Variants in CLASP1 observed in about 807,000 individuals in gnomAD.
CLASP1 encodes the protein CLIP-associating protein 1.
Under a neutral mutation model 192.3 loss-of-function variants are expected in CLASP1, and 38 were observed. The ratio of observed to expected loss-of-function variants is 0.20; its 90% CI spans 0.15 to 0.26. CLASP1 has a LOEUF of 0.26. CLASP1 is among the 10% of genes least tolerant of loss of function. The pLI, the probability that CLASP1 is intolerant of heterozygous loss-of-function variation, is 1.00. For synonymous variants in CLASP1, 691 were observed against 712.8 expected, an observed-to-expected ratio of 0.97 and a Z score of 0.49; for missense variants, 1,433 against 1,932.5, an observed-to-expected ratio of 0.74 and a Z score of 4.85.
intron 7 of CLASP1, among the ~76,000 whole-genome samples, chr2:121,509,793 G>A (rs1275034968): frequency 6.6e-6 from 1 of 152,116 alleles, no homozygotes; most frequent in Non-Finnish European, 1.5e-5. Context: ...AGCCAAGACT[G>A]TACTACTGCA....
chr2:121,384,174 A>ATG, intron 32 of CLASP1, among the ~76,000 whole-genome samples: 1 of 150,366 alleles, frequency 6.7e-6, no homozygotes, highest in African/African-American at 2.5e-5. Flanking sequence ...ATATATACAC[A>ATG]CACACACACA....
At chr2:121,451,815 C>G (rs768155654) in exon 15 of CLASP1, 2 of 1,575,186 alleles carry the variant, frequency 1.3e-6, no homozygotes, top group Admixed American at 1.8e-5. Context: ...GTCTGCCATT[C>G]TTGTAAAAGC....
intron 8 of CLASP1, among the ~76,000 whole-genome samples, chr2:121,495,210 C>G (rs535471141): frequency 6.6e-5 from 10 of 152,104 alleles, no homozygotes; most frequent in South Asian, 6.2e-4. Flanking sequence ...GTACTCTCAG[C>G]TACTCAGGAG....
At chr2:121,517,856 A>C (rs1207955512) in intron 6 of CLASP1, among the ~76,000 whole-genome samples, 1 of 86,710 alleles carries the variant, frequency 1.2e-5, no homozygotes, top group East Asian at 3.2e-4. Context: ...GCAAGACTCA[A>C]GCTTTTTTTT....
At chr2:121,422,107 T>C (rs757655481) in intron 22 of CLASP1, among the ~76,000 whole-genome samples, 14 of 152,202 alleles carry the variant, frequency 9.2e-5, no homozygotes, top group Non-Finnish European at 1.5e-4. Context: ...GATACCCATT[T>C]GATTGGTTTA....
At chr2:121,630,123 T>C (rs1055041121) in intron 1 of CLASP1, among the ~76,000 whole-genome samples, 2 of 152,000 alleles carry the variant, frequency 1.3e-5, no homozygotes, top group East Asian at 3.9e-4. Flanking sequence ...TTTCACCATG[T>C]TGGCCAGGCT....
intron 30 of CLASP1, among the ~76,000 whole-genome samples, chr2:121,393,319 G>A (rs970749499): frequency 6.6e-6 from 1 of 152,008 alleles, no homozygotes; most frequent in Non-Finnish European, 1.5e-5. Flanking sequence ...ATCACAAAAC[G>A]CTTTTAAATC....
chr2:121,355,687 A>G (rs1342874746), intron 37 of CLASP1, among the ~76,000 whole-genome samples: 1 of 152,222 alleles, frequency 6.6e-6, no homozygotes, highest in Non-Finnish European at 1.5e-5. Context: ...ATGTAACATA[A>G]GAAGCAAAGA....
chr2:121,643,040 T>C (rs1343923398), intron 1 of CLASP1, among the ~76,000 whole-genome samples: 1 of 152,220 alleles, frequency 6.6e-6, no homozygotes, highest in Non-Finnish European at 1.5e-5. Context: ...GGAGAGTTAA[T>C]TGGACAGTAG....
At chr2:121,589,002 G>A (rs1392535363) in intron 2 of CLASP1, among the ~76,000 whole-genome samples, 2 of 152,156 alleles carry the variant, frequency 1.3e-5, no homozygotes, top group African/African-American at 2.4e-5. Context: ...GAGAAACTCA[G>A]TCTTCTGATA....
rs573902072 is a variant in CLASP1, at chr2:121,533,609, G to T, written c.196-3284C>A. The stretch of plus-strand genomic sequence containing the variant: ...ACTGGAATACACAATTCTGTTTTAT[G>T]GAATGAGGTGTTACCTGATTCTAAA... On this transcript the variant is annotated intron_variant, in intron 2 of 39. Coordinates refer to ENST00000263710, the Ensembl canonical transcript of CLASP1. Among the ~76,000 whole-genome samples the T allele has an allele frequency of 2.3e-3, 350 of 152,188 alleles. 3 individuals are homozygous for T. The highest frequency in any genetic ancestry group is 6.8e-3 in the Middle Eastern group (2 of 294).
intron 19 of CLASP1, among the ~76,000 whole-genome samples, chr2:121,441,409 T>C (rs1350500168): frequency 6.6e-6 from 1 of 152,174 alleles, no homozygotes; most frequent in Admixed American, 6.5e-5. Context: ...TACATTTTGC[T>C]ACCTACAACT....
chr2:121,619,071 A>AT (rs1313676113), intron 1 of CLASP1, among the ~76,000 whole-genome samples: 1 of 152,224 alleles, frequency 6.6e-6, no homozygotes, highest in Non-Finnish European at 1.5e-5. Flanking sequence ...ATTTTCTCTC[A>AT]TTCTCTATCC....
intron 14 of CLASP1, among the ~76,000 whole-genome samples, chr2:121,455,571 A>C (rs1261346860): frequency 2.0e-5 from 3 of 152,240 alleles, no homozygotes; most frequent in Admixed American, 6.5e-5. Context: ...CAAATACTGC[A>C]TGATCTCACT....
At chr2:121,523,790 C>A (rs982320629) in intron 6 of CLASP1, among the ~76,000 whole-genome samples, 1 of 152,190 alleles carries the variant, frequency 6.6e-6, no homozygotes, top group Admixed American at 6.5e-5. Context: ...GGCTCAGAAG[C>A]AAAATCAAGC....
intron 35 of CLASP1, among the ~76,000 whole-genome samples, chr2:121,365,786 A>G (rs1016098403): frequency 1.3e-5 from 2 of 152,194 alleles, no homozygotes; most frequent in East Asian, 3.9e-4. Context: ...TCTACAGCTT[A>G]GGAACCAGCA....
intron 39 of CLASP1, among the ~76,000 whole-genome samples, chr2:121,342,176 C>T (rs1056385028): frequency 1.3e-5 from 2 of 151,520 alleles, no homozygotes; most frequent in African/African-American, 4.9e-5. Flanking sequence ...GGCTGGAGTG[C>T]AGTGGCACAA....
At chr2:121,406,717 G>A (rs1208634754) in intron 25 of CLASP1, among the ~76,000 whole-genome samples, 1 of 152,088 alleles carries the variant, frequency 6.6e-6, no homozygotes, top group Non-Finnish European at 1.5e-5. Context: ...AGCCTCCGAA[G>A]TATCTGGGAT....
At chr2:121,343,139 T>C (rs1177254754) in intron 39 of CLASP1, among the ~76,000 whole-genome samples, 4 of 152,218 alleles carry the variant, frequency 2.6e-5, no homozygotes, top group African/African-American at 9.6e-5. Flanking sequence ...CATCAGGTTA[T>C]TTATTTTCAA....
Sources: gnomAD v4.1 joint callset for allele counts (sites outside exome capture counted in the v4.1 genomes callset) on GRCh38, gnomAD v4.1.1 for gene constraint, MANE v1.5 for transcripts, NCBI Gene and HGNC (gene_info 2026-07-23, HGNC 2026-07-21) for gene names.